Variants in ATP8B1 observed in about 807,000 individuals in gnomAD.
ATP8B1 encodes ATPase phospholipid transporting 8B1, also known as phospholipid-transporting ATPase IC.
In ATP8B1, 80 loss-of-function variants were observed where a neutral mutation model predicts 149.9. That is an observed-to-expected ratio of 0.53 (90% CI 0.45 to 0.64). The LOEUF is 0.64. Ranked by LOEUF, ATP8B1 falls within the 30% of genes least tolerant of loss-of-function variation. ATP8B1 has a pLI of 0.00. For missense variants in ATP8B1, 1,247 were observed against 1,552.6 expected (o/e 0.80, Z 3.31); for synonymous variants, 536 against 562.8 (o/e 0.95, Z 0.67).
intron 1 of ATP8B1, among the ~76,000 whole-genome samples, chr18:57,783,011 C>T (rs2123423490): frequency 6.6e-6 from 1 of 152,056 alleles, no homozygotes; most frequent in African/African-American, 2.4e-5. Context: ...CAGGGTTTCA[C>T]CATGTTGGTC....
chr18:57,758,450 G>A (rs1025099427), intron 1 of ATP8B1, among the ~76,000 whole-genome samples: 1 of 150,840 alleles, frequency 6.6e-6, no homozygotes, highest in African/African-American at 2.4e-5. Context: ...AGACCAGCCT[G>A]ACCAACATGG....
intron 10 of ATP8B1, 40 bp downstream of exon 10, chr18:57,695,131 G>T: frequency 6.7e-7 from 1 of 1,494,812 alleles, no homozygotes; most frequent in Non-Finnish European, 9.0e-7. Context: ...AGTCTTTAAA[G>T]ATCATAGCTG....
At chr18:57,710,353 G>A (rs1027507771) in intron 2 of ATP8B1, among the ~76,000 whole-genome samples, 6 of 152,132 alleles carry the variant, frequency 3.9e-5, no homozygotes, top group African/African-American at 1.2e-4. Flanking sequence ...AAATGGTTGT[G>A]TTGTCAATAT....
intron 1 of ATP8B1, chr18:57,738,014 G>C (rs939888734): frequency 1.3e-5 from 2 of 152,168 alleles, no homozygotes; most frequent in Admixed American, 1.3e-4. Context: ...ACACACACGG[G>C]AGGAATTTGG....
chr18:57,648,578 G>A lies in ATP8B1; in HGVS notation c.3666C>T (p.Ser1222=). The change falls in exon 28 of 28, where the codon TCC becomes TCT. Residue 1222 remains serine (S), a synonymous_variant. Transcript: ENST00000648908. ...SHQRGYADLI[S]SGRSIRKKRS... ...GCTTCTTGCGGATGCTGCGCCCGGA[G>A]GAGATGAGGTCCGCGTAGCCCCGCT... 6.2e-7 allele frequency: 1 copy of A among 1,611,410 alleles called. No homozygotes were observed. The highest frequency in any genetic ancestry group is 1.1e-5 in the South Asian group (1 of 90,992).
At chr18:57,759,443 T>G (rs1320510145) in intron 1 of ATP8B1, among the ~76,000 whole-genome samples, 1 of 152,074 alleles carries the variant, frequency 6.6e-6, no homozygotes. Context: ...CATTGAGAAT[T>G]TTTAAAAAAT....
chr18:57,653,800 A>G (rs1909804293), intron 24 of ATP8B1, among the ~76,000 whole-genome samples, 192 bp downstream of exon 24: 1 of 150,964 alleles, frequency 6.6e-6, no homozygotes. Flanking sequence ...AGCTGGGACT[A>G]CAGAGAAATC....
chr18:57,747,900 G>C (rs2079978995), intron 1 of ATP8B1, among the ~76,000 whole-genome samples: 1 of 152,166 alleles, frequency 6.6e-6, no homozygotes, highest in Non-Finnish European at 1.5e-5. Context: ...CCTAAGTTTT[G>C]GACCAAGATT....
At position 57,659,184 on chromosome 18, in the gene ATP8B1, G is replaced by T. The variant is rs137926094; in HGVS notation, c.2707+1990C>A. On this transcript the variant is annotated intron_variant, in intron 22 of 27. Coordinates refer to ENST00000648908, the MANE Select transcript of ATP8B1 (RefSeq NM_001374385.1). ...CCAGCTACTTGGGAGGCTGAGGTGG[G>T]AGGATTGTTTGAGGCCAGGAGGTGG... is the stretch of plus-strand genomic sequence containing the variant. Among the ~76,000 whole-genome samples the T allele has an allele frequency of 2.6e-3, 397 of 152,278 alleles. 1 individual carries two copies. Among genetic ancestry groups the T allele is most frequent in the Middle Eastern group, 0.01 (3 of 294 alleles).
chr18:57,779,316 G>GAA (rs35813912), intron 1 of ATP8B1, among the ~76,000 whole-genome samples: 13 of 143,194 alleles, frequency 9.1e-5, no homozygotes, highest in South Asian at 2.2e-4. Flanking sequence ...CCCTCCCTCA[G>GAA]AAAAAAAAAA....
At chr18:57,747,704 C>A (rs1463102924) in intron 1 of ATP8B1, among the ~76,000 whole-genome samples, 1 of 152,180 alleles carries the variant, frequency 6.6e-6, no homozygotes, top group East Asian at 1.9e-4. Context: ...TTTCTAGATA[C>A]TATCATGGTT....
At chr18:57,725,107 G>C (rs1212149007) in intron 2 of ATP8B1, among the ~76,000 whole-genome samples, 5 of 104,644 alleles carry the variant, frequency 4.8e-5, no homozygotes, top group East Asian at 6.2e-4. Flanking sequence ...GTGGTGGGGT[G>C]GGGGGAGGGG....
chr18:57,653,641 G>T (rs1909783424), intron 24 of ATP8B1, among the ~76,000 whole-genome samples: 3 of 147,582 alleles, frequency 2.0e-5, no homozygotes. Context: ...ACAAATATGT[G>T]TGCCAATGAA....
intron 1 of ATP8B1, among the ~76,000 whole-genome samples, chr18:57,801,644 G>C (rs985427609): frequency 6.6e-6 from 1 of 151,970 alleles, no homozygotes. Context: ...GTTTTTTTTA[G>C]CTTTTGTTCC....
intron 1 of ATP8B1, among the ~76,000 whole-genome samples, chr18:57,773,198 T>A (rs2080278026): frequency 3.3e-5 from 1 of 30,468 alleles, no homozygotes; most frequent in African/African-American, 2.3e-4. Flanking sequence ...CGAGACTCTG[T>A]CTTAAAAAAA....
intron 1 of ATP8B1, among the ~76,000 whole-genome samples, chr18:57,798,546 T>A (rs2123474099): frequency 6.6e-6 from 1 of 152,238 alleles, no homozygotes; most frequent in East Asian, 1.9e-4. Context: ...CAGCAAGCCA[T>A]GTTCATGCCT....
intron 15 of ATP8B1, 116 bp from the exon 16 acceptor site, chr18:57,675,138 TC>T: frequency 9.9e-7 from 1 of 1,010,756 alleles, no homozygotes; most frequent in Non-Finnish European, 1.5e-6. Flanking sequence ...GCCCAAAACA[TC>T]CCCAGGAAAA....
intron 1 of ATP8B1, among the ~76,000 whole-genome samples, chr18:57,742,864 A>G (rs941347334): frequency 2.0e-5 from 3 of 151,524 alleles, no homozygotes; most frequent in African/African-American, 7.3e-5. Flanking sequence ...TTCTTGTTTC[A>G]TTCTGTACAA....
chr18:57,764,941 T>C (rs1194494212), intron 1 of ATP8B1, among the ~76,000 whole-genome samples: 1 of 152,116 alleles, frequency 6.6e-6, no homozygotes, highest in African/African-American at 2.4e-5. Context: ...TCTGGGTATA[T>C]ACCCAAAAGA....
Sources: gnomAD v4.1 joint callset for allele counts (sites outside exome capture counted in the v4.1 genomes callset) on GRCh38, gnomAD v4.1.1 for gene constraint, MANE v1.5 for transcripts, NCBI Gene and HGNC (gene_info 2026-07-23, HGNC 2026-07-21) for gene names.